The following CTNNA2 variants were observed in gnomAD, a reference collection of about 807,000 sequenced individuals.
CTNNA2 encodes catenin alpha-2.
CTNNA2 carries 42 observed loss-of-function variants against 101.0 expected under a neutral mutation model. The observed-to-expected ratio is 0.42, with a 90% CI of 0.32 to 0.54. The LOEUF (loss-of-function observed/expected upper bound fraction) is 0.54, where lower values mean the gene tolerates loss of function less well. Ranked by LOEUF, CTNNA2 falls within the 20% of genes least tolerant of loss-of-function variation. CTNNA2 has a pLI of 0.14. For synonymous variants in CTNNA2, 450 were observed against 456.4 expected (o/e 0.99, Z 0.18); for missense variants, 871 against 1,223.1 (o/e 0.71, Z 4.29).
chr2:80,288,046 C>T (rs1674919842), intron 7 of CTNNA2, among the ~76,000 whole-genome samples: 2 of 152,120 alleles, frequency 1.3e-5, no homozygotes, highest in African/African-American at 4.8e-5. Context: ...CGCTACCAAC[C>T]CTATTTTTGT....
intron 4 of CTNNA2, among the ~76,000 whole-genome samples, chr2:79,437,882 G>T (rs906362679): frequency 6.6e-6 from 1 of 152,140 alleles, no homozygotes; most frequent in African/African-American, 2.4e-5. Flanking sequence ...TGAGGGGGTG[G>T]TCACGCTTTC....
chr2:80,101,987 C>A (rs1408876457), intron 7 of CTNNA2, among the ~76,000 whole-genome samples: 1 of 152,096 alleles, frequency 6.6e-6, no homozygotes, highest in East Asian at 1.9e-4. Context: ...CATGTGATGT[C>A]TCATAGCTGT....
chr2:80,097,121 G>A (rs1366668968), intron 7 of CTNNA2, among the ~76,000 whole-genome samples: 3 of 152,098 alleles, frequency 2.0e-5, no homozygotes, highest in Non-Finnish European at 2.9e-5. Context: ...TTACAATTTG[G>A]CATGTTTTTG....
intron 4 of CTNNA2, among the ~76,000 whole-genome samples, chr2:79,403,232 T>C (rs986804921): frequency 6.6e-6 from 1 of 151,818 alleles, no homozygotes; most frequent in Non-Finnish European, 1.5e-5. Flanking sequence ...TTCATTACTT[T>C]AAAATTTAGA....
At chr2:79,399,580 G>A (rs1476282228) in intron 4 of CTNNA2, among the ~76,000 whole-genome samples, 1 of 152,058 alleles carries the variant, frequency 6.6e-6, no homozygotes, top group Non-Finnish European at 1.5e-5. Context: ...TAATAGTCCA[G>A]ATAAGTCAAT....
At chr2:80,314,450 A>G (rs193104168) in intron 7 of CTNNA2, among the ~76,000 whole-genome samples, 1 of 152,334 alleles carries the variant, frequency 6.6e-6, no homozygotes, top group Non-Finnish European at 1.5e-5. Context: ...AATAGGAAGG[A>G]CAGTTTAGTA....
At chr2:80,551,465 T>G (rs1034602698) in intron 11 of CTNNA2, among the ~76,000 whole-genome samples, 6 of 152,228 alleles carry the variant, frequency 3.9e-5, no homozygotes, top group African/African-American at 1.4e-4. Flanking sequence ...ATTGAAAACT[T>G]GTTTGCCCCC....
intron 2 of CTNNA2, among the ~76,000 whole-genome samples, chr2:79,743,403 T>C (rs1366980842): frequency 6.6e-6 from 1 of 152,176 alleles, no homozygotes; most frequent in Admixed American, 6.5e-5. Flanking sequence ...GTCCAAATTA[T>C]GATACTTAGA....
At chr2:80,568,215 G>A (rs1311067623) in intron 12 of CTNNA2, among the ~76,000 whole-genome samples, 1 of 152,184 alleles carries the variant, frequency 6.6e-6, no homozygotes, top group African/African-American at 2.4e-5. Context: ...CTTGTTAAAT[G>A]ACTCGTGATA....
intron 2 of CTNNA2, among the ~76,000 whole-genome samples, chr2:79,282,583 G>T (rs1286814158): frequency 1.3e-5 from 2 of 148,456 alleles, no homozygotes; most frequent in South Asian, 2.2e-4. Flanking sequence ...CAAAGGACAT[G>T]AACTCATCAT....
chr2:79,834,086 G>A (rs1003771479), intron 3 of CTNNA2, among the ~76,000 whole-genome samples: 5 of 152,160 alleles, frequency 3.3e-5, no homozygotes, highest in Non-Finnish European at 5.9e-5. Context: ...TTTCCTTGTG[G>A]AGAAGTATGA....
intron 7 of CTNNA2, among the ~76,000 whole-genome samples, chr2:79,991,237 A>G (rs962299620): frequency 6.6e-6 from 1 of 152,072 alleles, no homozygotes; most frequent in African/African-American, 2.4e-5. Context: ...TCCTGGATTC[A>G]TTGAAGATGG....
chr2:79,486,106 G>T (rs1299104805), intron 4 of CTNNA2, among the ~76,000 whole-genome samples: 1 of 151,836 alleles, frequency 6.6e-6, no homozygotes, highest in Non-Finnish European at 1.5e-5. Flanking sequence ...TAAGTTTTAG[G>T]GTACATGTGC....
At chr2:79,581,991 T>A (rs1474324036) in intron 1 of CTNNA2, among the ~76,000 whole-genome samples, 1 of 152,214 alleles carries the variant, frequency 6.6e-6, no homozygotes, top group Non-Finnish European at 1.5e-5. Flanking sequence ...ATTAACCTGA[T>A]AACCAGCATG....
At chr2:80,007,622 T>A (rs575923891) in intron 7 of CTNNA2, among the ~76,000 whole-genome samples, 139 of 152,324 alleles carry the variant, frequency 9.1e-4, no homozygotes, top group African/African-American at 3.2e-3. Context: ...GAAAATTTTC[T>A]GAGCTAAAGC....
At chr2:80,177,098 A>G (rs1481269780) in intron 7 of CTNNA2, among the ~76,000 whole-genome samples, 3 of 152,202 alleles carry the variant, frequency 2.0e-5, no homozygotes, top group Non-Finnish European at 4.4e-5. Context: ...CCATTTTACC[A>G]TTCTATCAGT....
At chr2:79,804,347 C>A (rs1028717317) in intron 3 of CTNNA2, among the ~76,000 whole-genome samples, 1 of 152,150 alleles carries the variant, frequency 6.6e-6, no homozygotes, top group Non-Finnish European at 1.5e-5. Flanking sequence ...TGCTGATTTT[C>A]TTCTCTTTTA....
At chr2:79,530,794 A>G (rs894298742) in intron 1 of CTNNA2, among the ~76,000 whole-genome samples, 1 of 152,106 alleles carries the variant, frequency 6.6e-6, no homozygotes, top group Non-Finnish European at 1.5e-5. Context: ...GGATGCTGAA[A>G]GGGAAGTGAG....
intron 7 of CTNNA2, among the ~76,000 whole-genome samples, chr2:80,128,477 C>G (rs1302624328): frequency 1.3e-5 from 2 of 152,128 alleles, no homozygotes; most frequent in Middle Eastern, 6.3e-3. Flanking sequence ...AGAATAATAA[C>G]ATCTGCCCCT....
Sources: gnomAD v4.1 joint callset for allele counts (sites outside exome capture counted in the v4.1 genomes callset) on GRCh38, gnomAD v4.1.1 for gene constraint, MANE v1.5 for transcripts, NCBI Gene and HGNC (gene_info 2026-07-23, HGNC 2026-07-21) for gene names.